Variants in NRXN3 observed in about 807,000 individuals in gnomAD.
NRXN3 encodes neurexin 3.
Under a neutral mutation model 137.6 loss-of-function variants are expected in NRXN3, and 32 were observed. That is an observed-to-expected ratio of 0.23 (90% CI 0.18 to 0.31). NRXN3 has a LOEUF of 0.31. Among genes scored for constraint, NRXN3 ranks in the 10% least tolerant of loss-of-function variants. NRXN3 has a pLI of 1.00. For synonymous variants in NRXN3, 798 were observed against 784.5 expected (o/e 1.02, Z -0.29); for missense variants, 1,574 against 2,062.5 (o/e 0.76, Z 4.59).
chr14:78,867,728 G>C (rs561339057), intron 10 of NRXN3, among the ~76,000 whole-genome samples: 1 of 152,030 alleles, frequency 6.6e-6, no homozygotes, highest in Non-Finnish European at 1.5e-5. Context: ...AGGCCTTGCC[G>C]TGTTACCCCC....
chr14:78,458,703 A>G (rs147957076), intron 4 of NRXN3, among the ~76,000 whole-genome samples: 2 of 152,346 alleles, frequency 1.3e-5, no homozygotes, highest in Admixed American at 6.5e-5. Flanking sequence ...TCTTTAATCC[A>G]TGAGAACTGT....
chr14:79,096,266 A>G (rs1434215425), intron 15 of NRXN3, among the ~76,000 whole-genome samples: 1 of 151,430 alleles, frequency 6.6e-6, no homozygotes, highest in Non-Finnish European at 1.5e-5. Context: ...TGCTGCCACA[A>G]CCTGCTAATT....
chr14:79,524,228 AG>A (rs1601621880), intron 16 of NRXN3, among the ~76,000 whole-genome samples: 1 of 152,168 alleles, frequency 6.6e-6, no homozygotes, highest in Admixed American at 6.5e-5. Context: ...AAGGAACTAG[AG>A]GGGGGATAAC....
At chr14:79,198,567 T>A (rs1405423893) in intron 15 of NRXN3, among the ~76,000 whole-genome samples, 2 of 152,174 alleles carry the variant, frequency 1.3e-5, no homozygotes, top group Admixed American at 6.5e-5. Flanking sequence ...GGGAGATAAA[T>A]GTAATGATAG....
intron 15 of NRXN3, among the ~76,000 whole-genome samples, chr14:79,262,467 G>T (rs2077767026): frequency 1.3e-5 from 2 of 149,758 alleles, no homozygotes; most frequent in Non-Finnish European, 3.0e-5. Flanking sequence ...AAGGAGGAAG[G>T]AGAAAGGAGG....
intron 4 of NRXN3, among the ~76,000 whole-genome samples, chr14:78,468,821 T>C (rs2095189162): frequency 6.6e-6 from 1 of 152,116 alleles, no homozygotes; most frequent in South Asian, 2.1e-4. Context: ...GGATCCTGCC[T>C]TAGGAAAGAA....
chr14:78,813,655 A>G (rs2153104812), intron 10 of NRXN3, among the ~76,000 whole-genome samples: 1 of 151,930 alleles, frequency 6.6e-6, no homozygotes, highest in Non-Finnish European at 1.5e-5. Flanking sequence ...GAATGACATC[A>G]GCTATTTTTT....
In NRXN3 at chr14:79,324,209, G is replaced by C. The variant is rs536273160; in HGVS notation, c.3263-143012G>C. Among the ~76,000 whole-genome samples, 26 of 152,308 alleles carry C rather than the reference G, an allele frequency of 1.7e-4. 1 individual carries two copies. In the South Asian group the frequency reaches 5.4e-3, roughly 32 times the overall value. On this transcript the variant is annotated intron_variant, in intron 15 of 20. Coordinates refer to ENST00000335750, the MANE Select transcript of NRXN3 (RefSeq NM_001330195.2). ...AGACAGAATCAGGCCTATAAGAAGA[G>C]CCGTTTAGTAAAGGAAATGATTCTG...
intron 15 of NRXN3, among the ~76,000 whole-genome samples, chr14:79,397,387 A>G (rs1273547645): frequency 6.6e-6 from 1 of 152,218 alleles, no homozygotes; most frequent in Non-Finnish European, 1.5e-5. Flanking sequence ...TGTTGGTGCT[A>G]AATACGTGTT....
At chr14:78,211,366 C>T (rs1257176894) in intron 1 of NRXN3, among the ~76,000 whole-genome samples, 1 of 152,196 alleles carries the variant, frequency 6.6e-6, no homozygotes, top group Non-Finnish European at 1.5e-5. Context: ...CTGAATCCTA[C>T]CTCAGTGTTC....
intron 19 of NRXN3, among the ~76,000 whole-genome samples, chr14:79,705,021 G>A (rs111565362): frequency 1.3e-5 from 2 of 152,132 alleles, no homozygotes; most frequent in African/African-American, 4.8e-5. Context: ...AGGTCTAGTC[G>A]ATGAAAGGGT....
chr14:79,082,001 G>C lies in NRXN3; in HGVS notation c.3262+93860G>C, dbSNP rs1200251116. 2.0e-5 allele frequency among the ~76,000 whole-genome samples: 3 copies of C among 151,922 alleles called. No homozygotes were observed. The East Asian group carries it at 5.8e-4, about 29-fold the overall frequency. On this transcript the variant is annotated intron_variant, in intron 15 of 20. Transcript: ENST00000335750. ...GGATTTGAATTTAATGTTCAAGAGAGGGGAAGGCATAAATATATAAACATA... is the reference window on the plus strand; with the variant it reads ...GGATTTGAATTTAATGTTCAAGAGACGGGAAGGCATAAATATATAAACATA...
At chr14:78,443,929 T>C (rs563548556) in intron 4 of NRXN3, among the ~76,000 whole-genome samples, 35 of 152,322 alleles carry the variant, frequency 2.3e-4, no homozygotes, top group African/African-American at 7.9e-4. Context: ...GTAATTGTGT[T>C]TTTTTGTCAT....
intron 4 of NRXN3, among the ~76,000 whole-genome samples, chr14:78,353,062 A>T (rs1466193948): frequency 2.0e-5 from 3 of 152,160 alleles, no homozygotes; most frequent in African/African-American, 7.2e-5. Flanking sequence ...AAAATTCTAG[A>T]TTCTTAGGAC....
intron 15 of NRXN3, among the ~76,000 whole-genome samples, chr14:79,233,596 A>C (rs1271412183): frequency 6.6e-6 from 1 of 152,034 alleles, no homozygotes; most frequent in Non-Finnish European, 1.5e-5. Flanking sequence ...CTACCTTAGA[A>C]AACTCTTGGA....
chr14:79,091,448 T>C (rs1234364733), intron 15 of NRXN3, among the ~76,000 whole-genome samples: 2 of 152,138 alleles, frequency 1.3e-5, no homozygotes, highest in Non-Finnish European at 2.9e-5. Flanking sequence ...CAGCCTCTGA[T>C]TCCTCAGGAG....
intron 10 of NRXN3, among the ~76,000 whole-genome samples, chr14:78,955,195 A>G (rs1846162963): frequency 6.6e-6 from 1 of 152,152 alleles, no homozygotes; most frequent in African/African-American, 2.4e-5. Flanking sequence ...AAGCATTTGC[A>G]TGTAGAATAA....
chr14:78,760,840 T>C (rs1165303270), intron 8 of NRXN3, among the ~76,000 whole-genome samples: 1 of 152,136 alleles, frequency 6.6e-6, no homozygotes, highest in East Asian at 1.9e-4. Flanking sequence ...GCAAAAATGG[T>C]TGGGATTTTC....
At chr14:79,451,855 A>C (rs780901971) in intron 15 of NRXN3, among the ~76,000 whole-genome samples, 5 of 152,182 alleles carry the variant, frequency 3.3e-5, no homozygotes, top group Non-Finnish European at 7.4e-5. Flanking sequence ...CCAGAGTCAG[A>C]GGAAATGGAG....
Sources: allele counts gnomAD v4.1 joint callset (sites outside exome capture counted in the v4.1 genomes callset), GRCh38; gene constraint gnomAD v4.1.1; transcripts MANE v1.5; gene names NCBI Gene and HGNC (gene_info 2026-07-23, HGNC 2026-07-21).